Variants in ATXN1 observed in about 807,000 individuals in gnomAD.
ATXN1 encodes ataxin 1.
In ATXN1, 8 loss-of-function variants were observed where a neutral mutation model predicts 56.4. The ratio of observed to expected loss-of-function variants is 0.14; its 90% CI spans 0.08 to 0.26. The LOEUF is 0.26. Among genes scored for constraint, ATXN1 ranks in the 10% least tolerant of loss-of-function variants. ATXN1 has a pLI of 1.00. For missense variants in ATXN1, 987 were observed against 1,106.5 expected, an observed-to-expected ratio of 0.89 and a Z score of 1.53; for synonymous variants, 514 against 494.6, an observed-to-expected ratio of 1.04 and a Z score of -0.52.
intron 3 of ATXN1, among the ~76,000 whole-genome samples, chr6:16,610,409 T>C (rs1185382846): frequency 6.6e-6 from 1 of 151,742 alleles, no homozygotes; most frequent in Non-Finnish European, 1.5e-5. Context: ...TCAAAACAAC[T>C]CATAAGCATT....
intron 2 of ATXN1, among the ~76,000 whole-genome samples, chr6:16,713,267 C>T (rs1581387278): frequency 6.6e-6 from 1 of 152,180 alleles, no homozygotes; most frequent in South Asian, 2.1e-4. Context: ...GTAATCAGCA[C>T]CGCTTCCTCT....
intron 3 of ATXN1, among the ~76,000 whole-genome samples, chr6:16,634,462 T>A (rs1763558559): frequency 9.9e-6 from 1 of 100,682 alleles, no homozygotes; most frequent in South Asian, 2.9e-4. Flanking sequence ...ATAACTCAAG[T>A]GTATAACTCA....
At chr6:16,414,192 A>G (rs996368377) in intron 6 of ATXN1, among the ~76,000 whole-genome samples, 4 of 152,202 alleles carry the variant, frequency 2.6e-5, no homozygotes, top group African/African-American at 9.6e-5. Context: ...GACACTTGGT[A>G]CAGGAACGGA....
intron 5 of ATXN1, among the ~76,000 whole-genome samples, chr6:16,487,498 G>C (rs925661399): frequency 6.6e-6 from 1 of 152,154 alleles, no homozygotes; most frequent in Non-Finnish European, 1.5e-5. Context: ...GGAGGTGTCT[G>C]CTACTCACAT....
intron 5 of ATXN1, among the ~76,000 whole-genome samples, chr6:16,509,943 A>T (rs1761050983): frequency 6.6e-6 from 1 of 152,094 alleles, no homozygotes; most frequent in Admixed American, 6.5e-5. Context: ...TCTGGTCTCA[A>T]TGGCCCTCGC....
intron 2 of ATXN1, among the ~76,000 whole-genome samples, chr6:16,669,197 C>T (rs1410566376): frequency 6.6e-6 from 1 of 152,220 alleles, no homozygotes; most frequent in Non-Finnish European, 1.5e-5. Context: ...CCACATCAAA[C>T]TTCTGTGCAG....
chr6:16,321,266 C>T (rs1002928402), intron 7 of ATXN1, among the ~76,000 whole-genome samples: 3 of 151,968 alleles, frequency 2.0e-5, no homozygotes, highest in Admixed American at 1.3e-4. Context: ...CATCTGGATG[C>T]GCCACAGACT....
intron 2 of ATXN1, among the ~76,000 whole-genome samples, chr6:16,729,904 A>G (rs1253152348): frequency 1.3e-5 from 2 of 152,244 alleles, no homozygotes; most frequent in Non-Finnish European, 2.9e-5. Context: ...TAGGTGCTCA[A>G]TAAATGTTGA....
intron 1 of ATXN1, among the ~76,000 whole-genome samples, chr6:16,758,123 C>A (rs1760943883): frequency 6.6e-6 from 1 of 152,180 alleles, no homozygotes; most frequent in South Asian, 2.1e-4. Flanking sequence ...AGAATGTCTG[C>A]CTACTGTCAG....
At chr6:16,344,743 T>C (rs1262074748) in intron 6 of ATXN1, among the ~76,000 whole-genome samples, 2 of 152,220 alleles carry the variant, frequency 1.3e-5, no homozygotes, top group African/African-American at 4.8e-5. Context: ...GGTGGCCTAT[T>C]GTAGGACTTG....
intron 2 of ATXN1, among the ~76,000 whole-genome samples, chr6:16,674,575 T>A (rs1581353683): frequency 2.6e-5 from 4 of 151,106 alleles, no homozygotes; most frequent in Admixed American, 2.6e-4. Flanking sequence ...GCTAGGCTGG[T>A]CTCAAACTCC....
intron 4 of ATXN1, among the ~76,000 whole-genome samples, chr6:16,575,987 T>G (rs1413133722): frequency 5.9e-5 from 9 of 151,990 alleles, no homozygotes; most frequent in Non-Finnish European, 1.3e-4. Context: ...CTAAACTAAT[T>G]CCCCACATCA....
At chr6:16,433,717 G>C (rs1353928822) in intron 6 of ATXN1, among the ~76,000 whole-genome samples, 1 of 152,224 alleles carries the variant, frequency 6.6e-6, no homozygotes, top group Non-Finnish European at 1.5e-5. Flanking sequence ...GGTGCATTAA[G>C]TGCATGAAAC....
At chr6:16,633,074 T>C (rs1012558762) in intron 3 of ATXN1, among the ~76,000 whole-genome samples, 2 of 151,956 alleles carry the variant, frequency 1.3e-5, no homozygotes, top group African/African-American at 4.8e-5. Flanking sequence ...GAAAAGCACA[T>C]TTTTGAAAGT....
intron 3 of ATXN1, among the ~76,000 whole-genome samples, chr6:16,607,922 A>G (rs1372796225): frequency 6.6e-6 from 1 of 152,224 alleles, no homozygotes; most frequent in Non-Finnish European, 1.5e-5. Flanking sequence ...GTGGTGAGAC[A>G]ATAGGATTCT....
At position 16,506,100 on chromosome 6, in the gene ATXN1, C is replaced by A. The variant is rs1298660226; in HGVS notation, c.-299+16527G>T. Among the ~76,000 whole-genome samples the A allele has an allele frequency of 6.6e-6, 1 of 152,100 alleles. No individual in the cohort carries two copies. Among genetic ancestry groups the A allele is most frequent in the East Asian group, 1.9e-4 (1 of 5,202 alleles). On this transcript the variant is annotated intron_variant, in intron 5 of 7. Coordinates refer to ENST00000436367, the MANE Select transcript of ATXN1 (RefSeq NM_001128164.2). The surrounding 1 kb of genome is among the most constrained non-coding windows in gnomAD (Gnocchi z 4.1). Reference sequence around the variant, plus strand: ...AACTCAGAAAATCTTGGCATCAGGGCTTACTATAAGCTGAGTTAAACAGGA... The same window carrying A: ...AACTCAGAAAATCTTGGCATCAGGGATTACTATAAGCTGAGTTAAACAGGA...
chr6:16,490,780 C>A (rs1760643516), intron 5 of ATXN1, among the ~76,000 whole-genome samples: 3 of 152,212 alleles, frequency 2.0e-5, no homozygotes, highest in Admixed American at 1.3e-4. Flanking sequence ...TGACCCAGGT[C>A]TGGGCAATCG....
intron 4 of ATXN1, among the ~76,000 whole-genome samples, chr6:16,573,673 T>A (rs184139687): frequency 6.6e-6 from 1 of 152,274 alleles, no homozygotes; most frequent in East Asian, 1.9e-4. Flanking sequence ...CCCACAGCTG[T>A]CAAATTCTCT....
intron 2 of ATXN1, among the ~76,000 whole-genome samples, chr6:16,732,005 A>G (rs1425240758): frequency 6.6e-6 from 1 of 151,960 alleles, no homozygotes; most frequent in African/African-American, 2.4e-5. Context: ...CGGCTTTTAA[A>G]CCGGCAACAC....
Sources: allele counts gnomAD v4.1 joint callset (sites outside exome capture counted in the v4.1 genomes callset), GRCh38; gene constraint gnomAD v4.1.1; non-coding constraint Gnocchi (gnomAD v3.1); transcripts MANE v1.5; gene names NCBI Gene and HGNC (gene_info 2026-07-23, HGNC 2026-07-21).